The following ATP6V1A variants were observed in gnomAD, a reference collection of about 807,000 sequenced individuals.
ATP6V1A encodes the protein V-type proton ATPase catalytic subunit A.
A neutral mutation model predicts 70.1 loss-of-function variants in ATP6V1A; 18 were observed. The observed-to-expected ratio is 0.26, with a 90% CI of 0.18 to 0.38. The LOEUF (loss-of-function observed/expected upper bound fraction) is 0.38, where lower values mean the gene tolerates loss of function less well. Ranked by LOEUF, ATP6V1A falls within the 10% of genes least tolerant of loss-of-function variation. ATP6V1A has a pLI of 1.00. For missense variants in ATP6V1A, 424 were observed against 772.4 expected, an observed-to-expected ratio of 0.55 and a Z score of 5.35; for synonymous variants, 232 against 253.8, an observed-to-expected ratio of 0.91 and a Z score of 0.82.
chr3:113,795,859 A>G lies in ATP6V1A; in HGVS notation c.1227-17A>G. 6.3e-7 allele frequency: 1 copy of G among 1,593,614 alleles called. No homozygotes were observed. ...TGACCATTTTTTTTGTAATGACCAT[A>G]TTTTTTTTAAATTTAGAGTTTCTCC... is the stretch of plus-strand genomic sequence containing the variant. On this transcript the variant is annotated splice_polypyrimidine_tract_variant and intron_variant, in intron 10 of 14. Coordinates refer to ENST00000273398, the MANE Select transcript of ATP6V1A (RefSeq NM_001690.4).
chr3:113,780,574 A>G (rs535033051), intron 2 of ATP6V1A, among the ~76,000 whole-genome samples: 4 of 152,384 alleles, frequency 2.6e-5, no homozygotes, highest in African/African-American at 9.6e-5. Flanking sequence ...AACTACTGCT[A>G]TAAGTTATTA....
intron 1 of ATP6V1A, among the ~76,000 whole-genome samples, chr3:113,754,738 C>G (rs1416217665): frequency 6.6e-6 from 1 of 152,042 alleles, no homozygotes; most frequent in Non-Finnish European, 1.5e-5. Context: ...AGAAAAGTCC[C>G]TATTTGGGTT....
intron 1 of ATP6V1A, among the ~76,000 whole-genome samples, chr3:113,772,289 G>C (rs1266411667): frequency 6.6e-6 from 1 of 152,198 alleles, no homozygotes; most frequent in African/African-American, 2.4e-5. Context: ...ATCACTATGG[G>C]AGTGCTTTTG....
At chr3:113,792,874 C>A (rs1227782419) in intron 8 of ATP6V1A, among the ~76,000 whole-genome samples, 1 of 152,140 alleles carries the variant, frequency 6.6e-6, no homozygotes, top group South Asian at 2.1e-4. Context: ...TTAGATTTGA[C>A]AATTGAAATT....
At chr3:113,771,729 G>A (rs550038047) in intron 1 of ATP6V1A, among the ~76,000 whole-genome samples, 6 of 151,936 alleles carry the variant, frequency 3.9e-5, no homozygotes, top group East Asian at 3.8e-4. Flanking sequence ...GACCCACCGC[G>A]CCCGGCCTCT....
rs1422597401 is a variant in ATP6V1A, at chr3:113,789,641, G to A, written c.880-91G>A. 8.9e-6 allele frequency: 8 copies of A among 899,402 alleles called. No individual in the cohort carries two copies. In the Admixed American group the frequency reaches 1.5e-4, roughly 16 times the overall value. 55.7% of individuals were successfully genotyped at this position (899,402 alleles called of 1,614,324 possible). ...ACTGATTGTAAGAGGCATTAAATAT[G>A]GGCAAAAGTTTAAAAAAAAAAAGAA... On this transcript the variant is annotated intron_variant, in intron 7 of 14. Transcript: ENST00000273398.
In ATP6V1A at chr3:113,781,136, T is replaced by C. The variant is rs1450732273; in HGVS notation, c.169T>C (p.Leu57=). ...CGAATTGGTTGGAGAGATTATTCGATTGGAGGGTGACATGGCTACTATTCA... is the reference window on the plus strand; with the variant it reads ...CGAATTGGTTGGAGAGATTATTCGACTGGAGGGTGACATGGCTACTATTCA... ...HSELVGEIIR[L]EGDMATIQVY... is the part of the protein sequence containing the mutation. Residue 57 remains leucine, a synonymous_variant, in exon 3 of 15, where the codon TTG becomes CTG. Coordinates refer to ENST00000273398, the MANE Select transcript of ATP6V1A (RefSeq NM_001690.4). 1.9e-6 allele frequency: 3 copies of C among 1,613,728 alleles called. No homozygotes were observed. The highest frequency in any genetic ancestry group is 1.3e-5 in the African/African-American group (1 of 75,016).
At chr3:113,753,693 C>CTTTTTTTTTTTTTTTTTTTT (rs11375661) in intron 1 of ATP6V1A, among the ~76,000 whole-genome samples, 1 of 141,098 alleles carries the variant, frequency 7.1e-6, no homozygotes, top group Non-Finnish European at 1.5e-5. Context: ...TATCATGTGT[C>CTTTTTTTTTTTTTTTTTTTT]TTTTTTTTTT....
rs1308546543 is a variant in ATP6V1A at position 113,782,573 on chromosome 3, C to CACGTATATATATAT, written c.211+1395_211+1396insACGTATATATATAT. Among the ~76,000 whole-genome samples the CACGTATATATATAT allele has an allele frequency of 4.0e-3, 569 of 141,196 alleles. 8 individuals are homozygous for CACGTATATATATAT. Among genetic ancestry groups the CACGTATATATATAT allele is most frequent in the African/African-American group, 0.014 (544 of 38,356 alleles). 92.6% of individuals were successfully genotyped at this position (141,196 alleles called of 152,430 possible). A position where few individuals can be genotyped will look rare whatever the true frequency, so the allele number is the denominator to read the frequency against. On this transcript the variant is annotated intron_variant, in intron 3 of 14. Coordinates refer to ENST00000273398, the MANE Select transcript of ATP6V1A (RefSeq NM_001690.4). ...ATATATATACATGTGTATATATATA[C>CACGTATATATATAT]GTATATATATACACATATATATATA...
At chr3:113,754,368 C>G (rs771751986) in intron 1 of ATP6V1A, among the ~76,000 whole-genome samples, 1 of 151,918 alleles carries the variant, frequency 6.6e-6, no homozygotes, top group African/African-American at 2.4e-5. Context: ...CCAGTAAAAA[C>G]TAAAAATTAA....
chr3:113,793,719 C>T (rs1270044737), intron 8 of ATP6V1A, among the ~76,000 whole-genome samples: 1 of 151,952 alleles, frequency 6.6e-6, no homozygotes, highest in Non-Finnish European at 1.5e-5. Flanking sequence ...TTTATGGATG[C>T]CTGAACAGTC....
intron 1 of ATP6V1A, among the ~76,000 whole-genome samples, chr3:113,761,685 A>G (rs78714224): frequency 1.3e-5 from 2 of 149,998 alleles, no homozygotes; most frequent in African/African-American, 2.5e-5. Context: ...GTGGTGAGCC[A>G]AGATCGCGCC....
At chr3:113,759,407 T>C (rs1708677997) in intron 1 of ATP6V1A, among the ~76,000 whole-genome samples, 1 of 151,846 alleles carries the variant, frequency 6.6e-6, no homozygotes, top group South Asian at 2.1e-4. Context: ...TGTCCATATA[T>C]GTGTTGGAGT....
chr3:113,781,655 A>G lies in ATP6V1A; in HGVS notation c.211+477A>G, dbSNP rs761307940. 6.4e-4 allele frequency among the ~76,000 whole-genome samples: 98 copies of G among 152,228 alleles called. 3 individuals are homozygous for G. The highest frequency in any genetic ancestry group is 2.6e-4 in the Non-Finnish European group (18 of 68,036). On this transcript the variant is annotated intron_variant, in intron 3 of 14. Coordinates refer to ENST00000273398, the MANE Select transcript of ATP6V1A (RefSeq NM_001690.4). ...GCAGGAGTATGTTAAAGAAAGAGAG[A>G]AAAGTACTATGAATTGGTACTCTTA...
rs1275000388 is a variant in ATP6V1A, at chr3:113,805,257, TTAGA to T, written c.1590-94_1590-91del. ...TCTAATAAATAAGCAATCTGCATAC[TTAGA>T]TAAAGAAACTAATGCTCTAGTAGTT... On this transcript the variant is annotated intron_variant, in intron 13 of 14. Transcript: ENST00000273398. 11 of 1,218,568 alleles carry T rather than the reference TTAGA, an allele frequency of 9.0e-6. No homozygotes were observed. The African/African-American group carries it at 1.2e-4, about 14-fold the overall frequency. The allele number at this position is 1,218,568 out of a possible 1,614,324, so 75.5% of individuals were successfully genotyped here.
intron 1 of ATP6V1A, among the ~76,000 whole-genome samples, chr3:113,772,761 T>C (rs1035773236): frequency 6.6e-6 from 1 of 151,300 alleles, no homozygotes; most frequent in Non-Finnish European, 1.5e-5. Context: ...ACAAAAATGC[T>C]TGGAAGTTTA....
At chr3:113,770,311 A>G (rs1211458004) in intron 1 of ATP6V1A, among the ~76,000 whole-genome samples, 1 of 152,030 alleles carries the variant, frequency 6.6e-6, no homozygotes, top group Non-Finnish European at 1.5e-5. Flanking sequence ...CGGCCTCCCA[A>G]AGTTCTGGGA....
intron 6 of ATP6V1A, 82 bp from the exon 7 acceptor site, chr3:113,788,631 G>C (rs760735578): frequency 2.0e-4 from 278 of 1,380,854 alleles, no homozygotes; most frequent in Non-Finnish European, 2.6e-4. Context: ...TTACAGGCGT[G>C]AGCCACCGCG....
intron 1 of ATP6V1A, among the ~76,000 whole-genome samples, chr3:113,753,376 C>T (rs1053794356): frequency 6.6e-6 from 1 of 152,172 alleles, no homozygotes; most frequent in Admixed American, 6.6e-5. Flanking sequence ...AGTAAACAAT[C>T]AAGCAACATC....
Sources: allele counts gnomAD v4.1 joint callset (sites outside exome capture counted in the v4.1 genomes callset), GRCh38; gene constraint gnomAD v4.1.1; transcripts MANE v1.5; gene names NCBI Gene and HGNC (gene_info 2026-07-23, HGNC 2026-07-21).